Variants in ARRDC5 observed in about 807,000 individuals in gnomAD.
ARRDC5 encodes the protein arrestin domain-containing protein 5.
A neutral mutation model predicts 13.3 loss-of-function variants in ARRDC5; 12 were observed. That is an observed-to-expected ratio of 0.90 (90% confidence interval 0.58 to 1.46). ARRDC5 has a LOEUF of 1.46. ARRDC5 is among the 40% of genes most tolerant of loss of function. ARRDC5 has a pLI of 0.00. For synonymous variants in ARRDC5, 181 were observed against 173.4 expected (o/e 1.04, Z -0.34); for missense variants, 406 against 418.7 (o/e 0.97, Z 0.26).
rs556130427 is a variant in ARRDC5 at position 4,894,964 on chromosome 19, C to A, written c.459+1707G>T. The stretch of plus-strand genomic sequence containing the variant: ...CATTGTAAATCCCTGCAGTCTTATT[C>A]GAAAATTCGTAGCATGCGTTAGGAC... On this transcript the variant is annotated intron_variant, in intron 2 of 2. Coordinates refer to ENST00000650722, the MANE Select transcript of ARRDC5 (RefSeq NM_001080523.3). 2.0e-5 allele frequency among the ~76,000 whole-genome samples: 3 copies of A among 152,074 alleles called. No homozygotes were observed. In the South Asian group the frequency reaches 6.2e-4, roughly 32 times the overall value.
the ARRDC5 span, among the ~76,000 whole-genome samples, chr19:4,913,724 T>A: frequency 6.6e-6 from 1 of 152,086 alleles, no homozygotes; most frequent in East Asian, 1.9e-4. Flanking sequence ...GCTCTGGTAG[T>A]TATGAAAAGA....
At chr19:4,892,436 C>T (rs2031545586) in intron 2 of ARRDC5, among the ~76,000 whole-genome samples, 2 of 148,934 alleles carry the variant, frequency 1.3e-5, no homozygotes, top group African/African-American at 4.9e-5. Context: ...GCACTCATGG[C>T]TCACTGCAGA....
chr19:4,907,726 T>C (rs1420664482), upstream of ARRDC5, among the ~76,000 whole-genome samples: 1 of 147,872 alleles, frequency 6.8e-6, no homozygotes, highest in Non-Finnish European at 1.5e-5. Context: ...TTTTTTTTTT[T>C]TTTGAGACTG....
At chr19:4,915,348 G>T in the ARRDC5 span, among the ~76,000 whole-genome samples, 1 of 152,224 alleles carries the variant, frequency 6.6e-6, no homozygotes, top group East Asian at 1.9e-4. Context: ...CACTGCTGTT[G>T]TGGCCCCGAA....
upstream of ARRDC5, among the ~76,000 whole-genome samples, chr19:4,904,185 GTTTTTT>G (rs534038745): frequency 0.01 from 1,473 of 142,846 alleles, 17 homozygotes; most frequent in Middle Eastern, 0.018. Context: ...TTTTGTTTTT[GTTTTTT>G]TTTTGAGATT....
At chr19:4,915,714 AAAAAGC>A in the ARRDC5 span, among the ~76,000 whole-genome samples, 1 of 152,160 alleles carries the variant, frequency 6.6e-6, no homozygotes, top group African/African-American at 2.4e-5. Context: ...CGTCTCAAAA[AAAAAGC>A]AAAACAAAAA....
chr19:4,909,280 C>G, the ARRDC5 span: 1 of 532,386 alleles, frequency 1.9e-6, no homozygotes, highest in Non-Finnish European at 3.3e-6. Flanking sequence ...CCCTGCCACG[C>G]AGCCCCTTTG....
intron 1 of ARRDC5, among the ~76,000 whole-genome samples, chr19:4,897,874 G>T (rs994974327): frequency 6.6e-6 from 1 of 152,216 alleles, no homozygotes; most frequent in East Asian, 1.9e-4. Flanking sequence ...ATCACCTGAG[G>T]TCAGGAGTTT....
At chr19:4,907,608 C>T (rs1599229132), upstream of ARRDC5, among the ~76,000 whole-genome samples, 1 of 149,676 alleles carries the variant, frequency 6.7e-6, no homozygotes, top group Middle Eastern at 3.6e-3. Flanking sequence ...GGTCAGAAGT[C>T]TGAAATAAAT....
upstream of ARRDC5, among the ~76,000 whole-genome samples, chr19:4,904,118 G>A (rs866891489): frequency 4.0e-5 from 6 of 150,364 alleles, no homozygotes; most frequent in African/African-American, 1.2e-4. Flanking sequence ...CTGGGATTAC[G>A]GGCATGGGGG....
chr19:4,910,357 A>AGGGGGGGCCGGCAAGGC, the ARRDC5 span: 1 of 45,036 alleles, frequency 2.2e-5, no homozygotes. Context: ...GCCGGCAAGG[A>AGGGGGGGCCGGCAAGGC]GGGGGGGCGT....
chr19:4,913,456 T>G, the ARRDC5 span, among the ~76,000 whole-genome samples: 1 of 152,080 alleles, frequency 6.6e-6, no homozygotes, highest in Non-Finnish European at 1.5e-5. Flanking sequence ...AGTTTCACCA[T>G]GTTGGCCAGG....
chr19:4,891,628 C>T (rs1390109161), intron 2 of ARRDC5, 55 bp from the exon 3 acceptor site: 2 of 1,505,130 alleles, frequency 1.3e-6, no homozygotes, highest in African/African-American at 2.8e-5. Flanking sequence ...ACAAAATCCA[C>T]TTGCCTGCCT....
Position 4,891,019 on chromosome 19 carries a change from G to A in ARRDC5, c.*27C>T. 1.9e-6 allele frequency: 3 copies of A among 1,577,274 alleles called. No individual in the cohort carries two copies. Among genetic ancestry groups the A allele is most frequent in the African/African-American group, 1.3e-5 (1 of 74,188 alleles). The stretch of plus-strand genomic sequence containing the variant: ...CTTCCTCCTGGTAGAGACTAATAAA[G>A]CTTTTAATATTTAAAAGTTCGGGCA... On this transcript the variant is annotated 3_prime_UTR_variant, in exon 3 of 3. Transcript: ENST00000650722.
At chr19:4,898,188 A>G (rs1338207073) in intron 1 of ARRDC5, among the ~76,000 whole-genome samples, 1 of 152,138 alleles carries the variant, frequency 6.6e-6, no homozygotes, top group Non-Finnish European at 1.5e-5. Context: ...TGGGTGCTTA[A>G]TACATATTGA....
chr19:4,900,209 G>A (rs1262092693), intron 1 of ARRDC5, among the ~76,000 whole-genome samples: 1 of 137,938 alleles, frequency 7.2e-6, no homozygotes, highest in Non-Finnish European at 1.5e-5. Context: ...GTGCAGTGGC[G>A]TGATCTCGGC....
intron 1 of ARRDC5, among the ~76,000 whole-genome samples, chr19:4,899,363 C>T (rs1403148091): frequency 6.6e-6 from 1 of 151,892 alleles, no homozygotes; most frequent in Non-Finnish European, 1.5e-5. Context: ...GGCATGGTGG[C>T]TCATGCCTGT....
chr19:4,911,147 C>G, the ARRDC5 span: 1 of 1,087,988 alleles, frequency 9.2e-7, no homozygotes, highest in African/African-American at 1.6e-5. Context: ...CAACCTCGTC[C>G]GGTCCCACTT....
the ARRDC5 span, chr19:4,911,006 G>C: frequency 6.2e-7 from 1 of 1,610,458 alleles, no homozygotes; most frequent in Non-Finnish European, 8.5e-7. Flanking sequence ...CGTGGAGCCA[G>C]GCCTGCAGAG....
Sources: gnomAD v4.1 joint callset for allele counts (sites outside exome capture counted in the v4.1 genomes callset) on GRCh38, gnomAD v4.1.1 for gene constraint, MANE v1.5 for transcripts, NCBI Gene and HGNC (gene_info 2026-07-23, HGNC 2026-07-21) for gene names.